Variants in ITGA6 observed in about 807,000 individuals in gnomAD.
ITGA6 encodes the protein integrin subunit alpha 6, also known as integrin alpha-6.
In ITGA6, 63 loss-of-function variants were observed where a neutral mutation model predicts 133.6. That is an observed-to-expected ratio of 0.47 (90% CI 0.38 to 0.58). The LOEUF (loss-of-function observed/expected upper bound fraction) is 0.58, where lower values mean the gene tolerates loss of function less well. ITGA6 is among the 20% of genes least tolerant of loss of function. The pLI is 0.00. For synonymous variants in ITGA6, 434 were observed against 482.0 expected (o/e 0.90, Z 1.30); for missense variants, 1,068 against 1,309.4 (o/e 0.82, Z 2.85).
upstream of ITGA6, chr2:172,427,409 G>C: frequency 9.8e-7 from 1 of 1,022,736 alleles, no homozygotes; most frequent in Non-Finnish European, 1.2e-6. Flanking sequence ...GCTCGCCTCC[G>C]GGGCTCCCAC....
At chr2:172,466,574 C>G (rs1685682943) in intron 2 of ITGA6, among the ~76,000 whole-genome samples, 1 of 152,086 alleles carries the variant, frequency 6.6e-6, no homozygotes, top group African/African-American at 2.4e-5. Context: ...GAGCCAAAAT[C>G]GTGCCACTAC....
At chr2:172,441,537 C>A (rs1684537184) in intron 1 of ITGA6, among the ~76,000 whole-genome samples, 1 of 110,274 alleles carries the variant, frequency 9.1e-6, no homozygotes, top group African/African-American at 3.5e-5. Flanking sequence ...GCCTGGGTAA[C>A]AGAGTGGAGA....
rs1162608274 is a variant in ITGA6, at chr2:172,491,446, T to A, written c.2911T>A (p.Leu971Met). The stretch of plus-strand genomic sequence containing the variant: ...ACAGGAATATTCCAAACTGAACTAC[T>A]TGGACATTCTCATGCGAGCCTTCAT... ...FLEEYSKLNY[L>M]DILMRAFIDV... The change falls in exon 23 of 26, where the codon TTG becomes ATG. Residue 971 changes from leucine to methionine, a missense_variant. Leu to Met is a conservative substitution (Grantham distance 15). Transcript: ENST00000684293. The surrounding 1 kb of genome is among the most constrained non-coding windows in gnomAD (Gnocchi z 4.4). 1 of 1,613,818 alleles carries A rather than the reference T, an allele frequency of 6.2e-7. No homozygotes were observed. The highest frequency in any genetic ancestry group is 2.2e-5 in the East Asian group (1 of 44,868).
At chr2:172,496,288 G>A (rs2149092307) in intron 23 of ITGA6, among the ~76,000 whole-genome samples, 1 of 152,336 alleles carries the variant, frequency 6.6e-6, no homozygotes, top group East Asian at 1.9e-4. Context: ...CTCAGAGCTT[G>A]TAGAAAACCT....
Position 172,474,917 on chromosome 2 carries a change from TTA to T in ITGA6, c.987-10_987-9del. The T allele has an allele frequency of 7.1e-7, 1 of 1,404,020 alleles. No individual in the cohort carries two copies. Among genetic ancestry groups the T allele is most frequent in the Non-Finnish European group, 1.0e-6 (1 of 988,404 alleles). The allele number at this position is 1,404,020 out of a possible 1,614,324, so 87.0% of individuals were successfully genotyped here. On this transcript the variant is annotated splice_polypyrimidine_tract_variant and intron_variant, in intron 6 of 25. Coordinates refer to ENST00000684293, the MANE Select transcript of ITGA6 (RefSeq NM_000210.4). ...GTTGGTTCACGGCTCTTTCCCCTCA[TTA>T]TGTTTTTAGGTGGCAAGATATAGTT...
chr2:172,477,772 G>A (rs79457160), intron 9 of ITGA6, among the ~76,000 whole-genome samples: 3,757 of 152,272 alleles, frequency 0.025, 154 homozygotes, highest in African/African-American at 0.085. Context: ...TTACAAATGA[G>A]GAAACTGAGG....
rs994176840 is a variant in ITGA6, at chr2:172,432,790, G to A, written c.182+4820G>A. 4.6e-5 allele frequency among the ~76,000 whole-genome samples: 7 copies of A among 152,200 alleles called. No homozygotes were observed. In the South Asian group the frequency reaches 1.0e-3, roughly 22 times the overall value. On this transcript the variant is annotated intron_variant, in intron 1 of 25. Transcript: ENST00000684293. ...ACACTGCAGTGGGTACTCGGGACTT[G>A]CTGAGGTGGTTGGTTGTTATGAGGC...
chr2:172,427,523 G>GT, upstream of ITGA6: 8 of 1,146,192 alleles, frequency 7.0e-6, no homozygotes, highest in Non-Finnish European at 8.6e-6. Context: ...GGGCGAGAGG[G>GT]TGGGGAGGGG....
intron 1 of ITGA6, among the ~76,000 whole-genome samples, chr2:172,445,217 C>T (rs1314478608): frequency 6.6e-6 from 1 of 151,870 alleles, no homozygotes; most frequent in Non-Finnish European, 1.5e-5. Context: ...CTGCCCGCCT[C>T]AGCCTCCCAA....
chr2:172,438,882 G>C (rs1684429213), intron 1 of ITGA6, among the ~76,000 whole-genome samples: 1 of 151,902 alleles, frequency 6.6e-6, no homozygotes, highest in Admixed American at 6.6e-5. Flanking sequence ...ACATTGTTTT[G>C]ATGAAGACAG....
chr2:172,501,148 T>TTGGG (rs1412650162), intron 24 of ITGA6, among the ~76,000 whole-genome samples: 3 of 152,154 alleles, frequency 2.0e-5, no homozygotes, highest in African/African-American at 7.2e-5. Context: ...CTGAGGAGCA[T>TTGGG]TGGGTCCCTA....
At chr2:172,451,130 G>A (rs1684979218) in intron 1 of ITGA6, among the ~76,000 whole-genome samples, 1 of 150,842 alleles carries the variant, frequency 6.6e-6, no homozygotes, top group African/African-American at 2.4e-5. Context: ...ACTCCAGCCT[G>A]GGTGACAGAG....
At chr2:172,446,179 A>T (rs1250456961) in intron 1 of ITGA6, among the ~76,000 whole-genome samples, 1 of 152,270 alleles carries the variant, frequency 6.6e-6, no homozygotes, top group Non-Finnish European at 1.5e-5. Context: ...AAAGCATTGA[A>T]AAATTTGTAT....
chr2:172,427,812 C>T lies in ITGA6; in HGVS notation c.24C>T (p.Cys8=), dbSNP rs1163393333. MAAAGQL[C]LLYLSAGLLS... ...CCATGGCCGCCGCCGGGCAGCTGTGCTTGCTCTACCTGTCGGCGGGGCTCC... is the reference window on the plus strand; with the variant it reads ...CCATGGCCGCCGCCGGGCAGCTGTGTTTGCTCTACCTGTCGGCGGGGCTCC... Residue 8 remains cysteine, a synonymous_variant, in exon 1 of 26, where the codon TGC becomes TGT. Transcript: ENST00000684293. The T allele has an allele frequency of 7.5e-6, 12 of 1,601,814 alleles. No individual in the cohort carries two copies. The highest frequency in any genetic ancestry group is 9.4e-6 in the Non-Finnish European group (11 of 1,175,186).
At chr2:172,471,649 C>A (rs951649795) in intron 5 of ITGA6, among the ~76,000 whole-genome samples, 3 of 152,130 alleles carry the variant, frequency 2.0e-5, no homozygotes, top group Non-Finnish European at 2.9e-5. Context: ...AGCTTCCCAG[C>A]GGAGGTTGAG....
At chr2:172,504,050 T>G in intron 25 of ITGA6, 41 bp from the exon 26 acceptor site, 702 of 1,473,720 alleles carry the variant, frequency 4.8e-4, no homozygotes, top group Non-Finnish European at 5.9e-4. Flanking sequence ...TGCTTCTTTG[T>G]GAGATTAATT....
chr2:172,475,128 TA>T lies in ITGA6; in HGVS notation c.1180+8del. ...TAATCAAGATGGCTACCCAGGTAGA[TA>T]ATAGATTATGAAATGGCTATGATTT... On this transcript the variant is annotated splice_region_variant and intron_variant, in intron 7 of 25. Coordinates refer to ENST00000684293, the MANE Select transcript of ITGA6 (RefSeq NM_000210.4). The T allele has an allele frequency of 6.9e-7, 1 of 1,454,682 alleles. No individual in the cohort carries two copies. Among genetic ancestry groups the T allele is most frequent in the Non-Finnish European group, 9.7e-7 (1 of 1,034,618 alleles). 90.1% of individuals were successfully genotyped at this position (1,454,682 alleles called of 1,614,324 possible).
At chr2:172,438,258 G>A (rs1164860017) in intron 1 of ITGA6, among the ~76,000 whole-genome samples, 2 of 151,732 alleles carry the variant, frequency 1.3e-5, no homozygotes, top group East Asian at 3.9e-4. Context: ...CAACTGAGTA[G>A]GTGAGAGGAC....
chr2:172,501,902 G>A lies in ITGA6; in HGVS notation c.*22+1G>A, dbSNP rs1337277178. On this transcript the variant is annotated splice_donor_variant, in intron 25 of 25. Coordinates refer to ENST00000684293, the MANE Select transcript of ITGA6 (RefSeq NM_000210.4). LOFTEE classifies it low-confidence loss of function (3UTR_SPLICE). ...TAGTATTGATCTACTTCTGTAATTG[G>A]TAATTGATCAATGTTTTTTAATTGC... is the stretch of plus-strand genomic sequence containing the variant. The A allele has an allele frequency of 6.2e-7, 1 of 1,610,442 alleles. No homozygotes were observed. Among genetic ancestry groups the A allele is most frequent in the Admixed American group, 1.7e-5 (1 of 59,962 alleles).
Sources: allele counts gnomAD v4.1 joint callset (sites outside exome capture counted in the v4.1 genomes callset), GRCh38; gene constraint gnomAD v4.1.1; non-coding constraint Gnocchi (gnomAD v3.1); transcripts MANE v1.5; gene names NCBI Gene and HGNC (gene_info 2026-07-23, HGNC 2026-07-21).